MTREX: variants seen among roughly 807,000 people sequenced by gnomAD.
MTREX encodes the protein Mtr4 exosome RNA helicase, also known as exosome RNA helicase MTR4.
MTREX carries 76 observed loss-of-function variants against 135.4 expected under a neutral mutation model. The ratio of observed to expected loss-of-function variants is 0.56; its 90% CI spans 0.47 to 0.68. The LOEUF (loss-of-function observed/expected upper bound fraction) is 0.68. Among genes scored for constraint, MTREX ranks in the 30% least tolerant of loss-of-function variants. The probability of loss-of-function intolerance (pLI) is 0.00; values close to 1 mark genes in which losing one functional copy is unlikely to be tolerated. For synonymous variants in MTREX, 404 were observed against 401.6 expected (o/e 1.01, Z -0.07); for missense variants, 920 against 1,262.1 (o/e 0.73, Z 4.11).
intron 15 of MTREX, among the ~76,000 whole-genome samples, chr5:55,359,195 A>C (rs916053503): frequency 6.6e-6 from 1 of 152,244 alleles, no homozygotes; most frequent in East Asian, 1.9e-4. Context: ...GCTTTATTGC[A>C]GATTAGACTT....
Position 55,424,829 on chromosome 5 carries a change from G to T in MTREX, c.*57G>T. 1 of 1,221,462 alleles carries T rather than the reference G, an allele frequency of 8.2e-7. No individual in the cohort carries two copies. Among genetic ancestry groups the T allele is most frequent in the Non-Finnish European group, 1.2e-6 (1 of 826,576 alleles). The allele number at this position is 1,221,462 out of a possible 1,614,324, so 75.7% of individuals were successfully genotyped here. A position where few individuals can be genotyped will look rare whatever the true frequency, so the allele number is the denominator to read the frequency against. ...ATTGACCACCTGTTTGATTACAGTT[G>T]ACTACAAATGCCTGCAAGTGTGGAT... On this transcript the variant is annotated 3_prime_UTR_variant, in exon 27 of 27. Coordinates refer to ENST00000230640, the MANE Select transcript of MTREX (RefSeq NM_015360.5).
chr5:55,365,204 GA>G (rs777398109), intron 15 of MTREX, among the ~76,000 whole-genome samples: 3 of 152,086 alleles, frequency 2.0e-5, no homozygotes, highest in Non-Finnish European at 2.9e-5. Flanking sequence ...AAAATAACAG[GA>G]AAGTCTGCAA....
chr5:55,398,036 A>G (rs939210529), intron 20 of MTREX, among the ~76,000 whole-genome samples: 3 of 152,170 alleles, frequency 2.0e-5, no homozygotes, highest in African/African-American at 7.2e-5. Context: ...AGCCTGGGCA[A>G]CATAGTGAGA....
chr5:55,395,502 A>T (rs572229566), intron 19 of MTREX, among the ~76,000 whole-genome samples: 2 of 152,228 alleles, frequency 1.3e-5, no homozygotes, highest in Admixed American at 1.3e-4. Flanking sequence ...TCATCCGTGG[A>T]TGCTGAAACT....
intron 11 of MTREX, among the ~76,000 whole-genome samples, chr5:55,349,183 C>CTT (rs1749785002): frequency 2.1e-5 from 3 of 139,884 alleles, no homozygotes; most frequent in Non-Finnish European, 3.0e-5. Flanking sequence ...TCTTTAAAGA[C>CTT]TCTTTTTTTT....
chr5:55,321,911 A>G (rs1329715515), intron 1 of MTREX, among the ~76,000 whole-genome samples: 1 of 152,104 alleles, frequency 6.6e-6, no homozygotes, highest in Non-Finnish European at 1.5e-5. Context: ...CCCGGCTCCA[A>G]ACGTCATTTA....
intron 13 of MTREX, among the ~76,000 whole-genome samples, chr5:55,351,957 G>C (rs1215612612): frequency 1.3e-5 from 2 of 151,964 alleles, no homozygotes; most frequent in African/African-American, 4.8e-5. Flanking sequence ...AAGTAGCTGG[G>C]ACTACAGGAG....
chr5:55,408,563 T>C (rs1297844233), intron 22 of MTREX, among the ~76,000 whole-genome samples: 1 of 152,242 alleles, frequency 6.6e-6, no homozygotes, highest in Non-Finnish European at 1.5e-5. Context: ...TTCATGGCTT[T>C]ATTCTTTTTT....
At chr5:55,379,573 GACACACACACACACAC>G (rs60169736) in intron 18 of MTREX, among the ~76,000 whole-genome samples, 2 of 143,794 alleles carry the variant, frequency 1.4e-5, no homozygotes, top group African/African-American at 2.6e-5. Context: ...AAATCTCCCT[GACACACACACACACAC>G]ACACACACAC....
At chr5:55,308,641 T>G (rs1749028399) in intron 1 of MTREX, among the ~76,000 whole-genome samples, 1 of 152,138 alleles carries the variant, frequency 6.6e-6, no homozygotes, top group Non-Finnish European at 1.5e-5. Context: ...ATATGAGGAT[T>G]CAATGAGATA....
intron 7 of MTREX, among the ~76,000 whole-genome samples, chr5:55,343,052 T>C (rs530188773): frequency 6.6e-6 from 1 of 152,334 alleles, no homozygotes; most frequent in African/African-American, 2.4e-5. Context: ...TGCCTTGTCA[T>C]TGAGGCTCTT....
In MTREX at chr5:55,425,114, G is replaced by T. The variant is rs1312884595; in HGVS notation, c.*342G>T. The T allele has an allele frequency of 1.4e-6, 2 of 1,474,740 alleles. No individual in the cohort carries two copies. The highest frequency in any genetic ancestry group is 9.1e-7 in the Non-Finnish European group (1 of 1,092,936). 91.4% of individuals were successfully genotyped at this position (1,474,740 alleles called of 1,614,324 possible). On this transcript the variant is annotated 3_prime_UTR_variant, in exon 27 of 27. Coordinates refer to ENST00000230640, the MANE Select transcript of MTREX (RefSeq NM_015360.5). ...CAGCAGCAGAAGTCTTTAAAGGCTT[G>T]TACACCAGGAAGAAAGATGCATCCT...
At chr5:55,341,106 C>T (rs1305710192) in intron 6 of MTREX, among the ~76,000 whole-genome samples, 1 of 152,184 alleles carries the variant, frequency 6.6e-6, no homozygotes, top group African/African-American at 2.4e-5. Context: ...AAAAGCATTG[C>T]TCACTTTTCA....
chr5:55,388,390 G>T (rs946196936), intron 19 of MTREX, among the ~76,000 whole-genome samples: 3 of 152,018 alleles, frequency 2.0e-5, no homozygotes, highest in Non-Finnish European at 4.4e-5. Flanking sequence ...TTTTGCCAGG[G>T]CCATAAAGAT....
Position 55,425,445 on chromosome 5 carries a change from G to T in MTREX, c.*673G>T. 9.8e-7 allele frequency: 1 copy of T among 1,023,332 alleles called. No individual in the cohort carries two copies. The highest frequency in any genetic ancestry group is 1.4e-6 in the Non-Finnish European group (1 of 716,252). 63.4% of individuals were successfully genotyped at this position (1,023,332 alleles called of 1,614,324 possible). A position where few individuals can be genotyped will look rare whatever the true frequency, so the allele number is the denominator to read the frequency against. ...TATAAACAAAAGGATATACTTTGAG[G>T]TGTACAGATTAAGCATATAAAAAAT... On this transcript the variant is annotated 3_prime_UTR_variant, in exon 27 of 27. Coordinates refer to ENST00000230640, the MANE Select transcript of MTREX (RefSeq NM_015360.5).
intron 25 of MTREX, among the ~76,000 whole-genome samples, chr5:55,420,123 GTC>G (rs1314225046): frequency 2.6e-5 from 4 of 152,180 alleles, no homozygotes; most frequent in African/African-American, 9.7e-5. Flanking sequence ...GTGAGCAATA[GTC>G]TCTGCTCTCA....
intron 24 of MTREX, among the ~76,000 whole-genome samples, chr5:55,414,794 C>T (rs1398860107): frequency 1.3e-5 from 2 of 151,980 alleles, no homozygotes; most frequent in African/African-American, 2.4e-5. Context: ...GGATTACAGG[C>T]ACCCGCCACC....
intron 21 of MTREX, among the ~76,000 whole-genome samples, chr5:55,403,497 G>T (rs569605447): frequency 6.6e-6 from 1 of 152,076 alleles, no homozygotes; most frequent in Admixed American, 6.6e-5. Context: ...AATATTTCAC[G>T]TATTTTTATA....
chr5:55,331,885 A>G (rs1352280959), intron 5 of MTREX, among the ~76,000 whole-genome samples: 3 of 152,112 alleles, frequency 2.0e-5, no homozygotes, highest in Non-Finnish European at 4.4e-5. Flanking sequence ...CCACTGTTTC[A>G]TATATTTTGT....
Sources: allele counts gnomAD v4.1 joint callset (sites outside exome capture counted in the v4.1 genomes callset), GRCh38; gene constraint gnomAD v4.1.1; transcripts MANE v1.5; gene names NCBI Gene and HGNC (gene_info 2026-07-23, HGNC 2026-07-21).